The following KCNT2 variants were observed in gnomAD, a reference collection of about 807,000 sequenced individuals.
KCNT2 encodes the protein potassium channel subfamily T member 2.
A neutral mutation model predicts 153.8 loss-of-function variants in KCNT2; 67 were observed. The ratio of observed to expected loss-of-function variants is 0.44; its 90% CI spans 0.36 to 0.53. The LOEUF is 0.53. Among genes scored for constraint, KCNT2 ranks in the 20% least tolerant of loss-of-function variants. The probability of loss-of-function intolerance (pLI) is 0.00; values close to 1 mark genes in which losing one functional copy is unlikely to be tolerated. For synonymous variants in KCNT2, 500 were observed against 458.8 expected (o/e 1.09, Z -1.15); for missense variants, 975 against 1,354.8 (o/e 0.72, Z 4.40).
chr1:196,362,967 T>C (rs1667752716), intron 14 of KCNT2, among the ~76,000 whole-genome samples: 1 of 152,112 alleles, frequency 6.6e-6, no homozygotes, highest in African/African-American at 2.4e-5. Context: ...TTAACTATTT[T>C]AGGGAGGCAT....
intron 12 of KCNT2, among the ~76,000 whole-genome samples, chr1:196,407,723 G>T (rs982402801): frequency 6.6e-6 from 1 of 151,378 alleles, no homozygotes; most frequent in Non-Finnish European, 1.5e-5. Flanking sequence ...ATCACTGAGT[G>T]CTCAGTGATT....
chr1:196,287,256 G>T (rs984146148), intron 22 of KCNT2, among the ~76,000 whole-genome samples: 4 of 152,018 alleles, frequency 2.6e-5, no homozygotes, highest in Admixed American at 2.6e-4. Flanking sequence ...GCAGATGACT[G>T]GAGTTAGCTG....
rs555066931 is a variant in KCNT2, at chr1:196,439,852, A to G, written c.639-10095T>C. Among the ~76,000 whole-genome samples the G allele has an allele frequency of 3.4e-4, 52 of 152,008 alleles. 1 individual carries two copies. In the South Asian group the frequency reaches 0.011, roughly 32 times the overall value. ...TTAAAAGATATATAATAACACATGG[A>G]CACTGGGAGGGGAACATCACACACC... On this transcript the variant is annotated intron_variant, in intron 8 of 27. Coordinates refer to ENST00000294725, the MANE Select transcript of KCNT2 (RefSeq NM_198503.5).
intron 13 of KCNT2, among the ~76,000 whole-genome samples, chr1:196,390,444 A>G (rs1306645305): frequency 6.6e-6 from 1 of 151,574 alleles, no homozygotes; most frequent in East Asian, 1.9e-4. Flanking sequence ...TGCTGCAGTC[A>G]GCTGATTTTT....
At chr1:196,455,253 C>T (rs967195390) in intron 8 of KCNT2, among the ~76,000 whole-genome samples, 1 of 152,012 alleles carries the variant, frequency 6.6e-6, no homozygotes, top group Non-Finnish European at 1.5e-5. Context: ...TTTGAAGTCC[C>T]TTTTACCATC....
chr1:196,575,612 TAATA>T (rs1267866907), intron 1 of KCNT2, among the ~76,000 whole-genome samples: 1 of 149,716 alleles, frequency 6.7e-6, no homozygotes, highest in East Asian at 1.9e-4. Flanking sequence ...AATATAGATA[TAATA>T]AATAATATAT....
At chr1:196,601,652 A>G (rs1270526955) in intron 1 of KCNT2, among the ~76,000 whole-genome samples, 1 of 152,196 alleles carries the variant, frequency 6.6e-6, no homozygotes, top group Non-Finnish European at 1.5e-5. Flanking sequence ...ATTATTTTAA[A>G]CCACTTATTA....
chr1:196,367,565 C>G (rs2148303653), intron 14 of KCNT2, among the ~76,000 whole-genome samples: 1 of 152,218 alleles, frequency 6.6e-6, no homozygotes, highest in East Asian at 1.9e-4. Flanking sequence ...ACAGATACAA[C>G]TAGAATCAAG....
At chr1:196,243,086 C>A (rs1468994233) in intron 26 of KCNT2, among the ~76,000 whole-genome samples, 1 of 152,100 alleles carries the variant, frequency 6.6e-6, no homozygotes, top group African/African-American at 2.4e-5. Context: ...CTCTCAATCC[C>A]AACTTCTAGC....
intron 25 of KCNT2, among the ~76,000 whole-genome samples, chr1:196,270,941 CCTAA>C (rs760134528): frequency 6.6e-6 from 1 of 151,714 alleles, no homozygotes; most frequent in Non-Finnish European, 1.5e-5. Flanking sequence ...GAAGAAAGGA[CCTAA>C]CTGTGAAGCT....
At chr1:196,329,626 CAAT>C (rs1216152300) in intron 18 of KCNT2, among the ~76,000 whole-genome samples, 7 of 151,050 alleles carry the variant, frequency 4.6e-5, no homozygotes, top group Non-Finnish European at 8.9e-5. Flanking sequence ...AAAATAACAA[CAAT>C]ATTATAAATA....
chr1:196,549,665 C>G (rs752374063), intron 1 of KCNT2, among the ~76,000 whole-genome samples: 1 of 151,784 alleles, frequency 6.6e-6, no homozygotes, highest in Non-Finnish European at 1.5e-5. Context: ...CCTTCAAAAG[C>G]GCATTTTCAG....
At chr1:196,586,016 C>G (rs1662634927) in intron 1 of KCNT2, among the ~76,000 whole-genome samples, 1 of 151,970 alleles carries the variant, frequency 6.6e-6, no homozygotes, top group Admixed American at 6.6e-5. Context: ...CTTTGGGAGG[C>G]CAAAGTGGCA....
chr1:196,386,507 A>G (rs1199932540), intron 13 of KCNT2, among the ~76,000 whole-genome samples: 1 of 152,102 alleles, frequency 6.6e-6, no homozygotes, highest in Non-Finnish European at 1.5e-5. Context: ...TAATTATTGT[A>G]GTTCTTATGT....
chr1:196,412,355 C>T (rs1672407067), intron 12 of KCNT2, among the ~76,000 whole-genome samples: 1 of 151,642 alleles, frequency 6.6e-6, no homozygotes, highest in Non-Finnish European at 1.5e-5. Flanking sequence ...GTGTGTTCAG[C>T]TGGTATGTCC....
At position 196,395,339 on chromosome 1, in the gene KCNT2, C is replaced by T. The variant is rs1670841676; in HGVS notation, c.1294+3224G>A. On this transcript the variant is annotated intron_variant, in intron 13 of 27. Transcript: ENST00000294725. Reference sequence around the variant, plus strand: ...ATGTGTGTAAGCTCAGAATTATATGCTTTTGAAATCTCTCTTATAAACTGT... The same window carrying T: ...ATGTGTGTAAGCTCAGAATTATATGTTTTTGAAATCTCTCTTATAAACTGT... 2.0e-5 allele frequency among the ~76,000 whole-genome samples: 3 copies of T among 151,446 alleles called. No individual in the cohort carries two copies. In the Admixed American group the frequency reaches 2.0e-4, roughly 10 times the overall value.
At chr1:196,327,366 G>A (rs1663972057) in intron 18 of KCNT2, among the ~76,000 whole-genome samples, 1 of 150,888 alleles carries the variant, frequency 6.6e-6, no homozygotes, top group Non-Finnish European at 1.5e-5. Flanking sequence ...GCATATTTGA[G>A]CTGGCACGAT....
At chr1:196,579,108 A>G (rs954091449) in intron 1 of KCNT2, among the ~76,000 whole-genome samples, 2 of 152,146 alleles carry the variant, frequency 1.3e-5, no homozygotes, top group African/African-American at 4.8e-5. Flanking sequence ...CACTCGTGGT[A>G]CTGCACAACG....
intron 1 of KCNT2, among the ~76,000 whole-genome samples, chr1:196,563,714 T>A (rs1480506797): frequency 6.6e-6 from 1 of 151,860 alleles, no homozygotes; most frequent in South Asian, 2.1e-4. Context: ...ATTCAACATA[T>A]GCAAATCAAA....
Sources: gnomAD v4.1 joint callset for allele counts (sites outside exome capture counted in the v4.1 genomes callset) on GRCh38, gnomAD v4.1.1 for gene constraint, MANE v1.5 for transcripts, NCBI Gene and HGNC (gene_info 2026-07-23, HGNC 2026-07-21) for gene names.